ZNF239: variants seen among roughly 807,000 people sequenced by gnomAD.
ZNF239 encodes the protein zinc finger protein 239.
Under a neutral mutation model 27.5 loss-of-function variants are expected in ZNF239, and 16 were observed. The observed-to-expected ratio is 0.58, with a 90% CI of 0.39 to 0.88. The LOEUF (loss-of-function observed/expected upper bound fraction) is 0.88, where lower values mean the gene tolerates loss of function less well. Among genes scored for constraint, ZNF239 ranks in the 40% least tolerant of loss-of-function variants. ZNF239 has a pLI of 0.00. For missense variants in ZNF239, 527 were observed against 551.9 expected (o/e 0.95, Z 0.45); for synonymous variants, 199 against 192.6 (o/e 1.03, Z -0.27).
At position 43,570,378 on chromosome 10, in the gene ZNF239, A is replaced by C. The variant is rs189263105; in HGVS notation, c.-215-2357T>G. 58 of 985,412 alleles carry C rather than the reference A, an allele frequency of 5.9e-5. 2 individuals are homozygous for C. Among genetic ancestry groups the C allele is most frequent in the Middle Eastern group, 1.0e-3 (2 of 1,914 alleles). 61.0% of individuals were successfully genotyped at this position (985,412 alleles called of 1,614,324 possible). On this transcript the variant is annotated intron_variant, in intron 2 of 3. Transcript: ENST00000374446. Reference sequence around the variant, plus strand: ...AGCTCCATCACCACATCCTTTAGCAAGGCATGACCCATGGCATATTAAAAG... The same window carrying C: ...AGCTCCATCACCACATCCTTTAGCACGGCATGACCCATGGCATATTAAAAG...
Position 43,558,178 on chromosome 10 carries a change from A to T in ZNF239, c.-92-7T>A. 6.8e-7 allele frequency: 1 copy of T among 1,470,604 alleles called. No individual in the cohort carries two copies. Among genetic ancestry groups the T allele is most frequent in the Non-Finnish European group, 9.0e-7 (1 of 1,110,128 alleles). 91.1% of individuals were successfully genotyped at this position (1,470,604 alleles called of 1,614,324 possible). ...GAATTTTCATTCAAGTCTCCTAGGG[A>T]ACAAAGACAATTCAGTGGTAAGAAC... On this transcript the variant is annotated splice_region_variant and splice_polypyrimidine_tract_variant and intron_variant, in intron 3 of 3. Transcript: ENST00000374446.
intron 3 of ZNF239, among the ~76,000 whole-genome samples, chr10:43,560,269 A>T (rs1837125331): frequency 6.6e-6 from 1 of 152,244 alleles, no homozygotes; most frequent in African/African-American, 2.4e-5. Context: ...GTAATGTTGA[A>T]CGTACACAAT....
intron 2 of ZNF239, among the ~76,000 whole-genome samples, chr10:43,573,055 C>G (rs1275686325): frequency 6.6e-6 from 1 of 152,116 alleles, no homozygotes; most frequent in Admixed American, 6.5e-5. Flanking sequence ...GAGAAGGAAG[C>G]TTAGTTCTTA....
At chr10:43,574,399 C>A (rs868198870) in intron 1 of ZNF239, 141 bp downstream of exon 1, 1 of 152,224 alleles carries the variant, frequency 6.6e-6, no homozygotes, top group African/African-American at 2.4e-5. Flanking sequence ...CCGCGGGCCG[C>A]GCCTCCGCTG....
rs1261122311 is a variant in ZNF239 at position 43,556,544 on chromosome 10, ATACT to A, written c.*155_*158del. 14 of 923,372 alleles carry A rather than the reference ATACT, an allele frequency of 1.5e-5. No individual in the cohort carries two copies. The African/African-American group carries it at 2.2e-4, about 14-fold the overall frequency. 57.2% of individuals were successfully genotyped at this position (923,372 alleles called of 1,614,324 possible). On this transcript the variant is annotated 3_prime_UTR_variant, in exon 4 of 4. Transcript: ENST00000374446. The stretch of plus-strand genomic sequence containing the variant: ...ATTGTACAGCATAACAAAGTGCTTG[ATACT>A]TAAATATTTTGAATGAGTGATTTTT...
chr10:43,573,980 A>T (rs968118711), intron 1 of ZNF239, among the ~76,000 whole-genome samples: 1 of 152,126 alleles, frequency 6.6e-6, no homozygotes, highest in Non-Finnish European at 1.5e-5. Context: ...CTAAAGTTCT[A>T]GTTAAGAGGA....
At position 43,568,015 on chromosome 10, in the gene ZNF239, C is replaced by T. The variant is rs1328366814; in HGVS notation, c.-209G>A. Reference sequence around the variant, plus strand: ...GCCACAGAGGCATCCTTGAATGTAACTGGTTCCTAAAACATTAAGCACATT... The same window carrying T: ...GCCACAGAGGCATCCTTGAATGTAATTGGTTCCTAAAACATTAAGCACATT... On this transcript the variant is annotated 5_prime_UTR_variant, in exon 3 of 4. Coordinates refer to ENST00000374446, the MANE Select transcript of ZNF239 (RefSeq NM_001099282.2). 1.0e-6 allele frequency: 1 copy of T among 985,846 alleles called. No homozygotes were observed. Among genetic ancestry groups the T allele is most frequent in the Non-Finnish European group, 1.2e-6 (1 of 830,056 alleles). The allele number at this position is 985,846 out of a possible 1,614,324, so 61.1% of individuals were successfully genotyped here.
intron 2 of ZNF239, 69 bp downstream of exon 2, chr10:43,573,568 G>T: frequency 2.1e-6 from 2 of 964,454 alleles, no homozygotes; most frequent in Non-Finnish European, 2.5e-6. Context: ...TGACAATAAA[G>T]AAAACAACAC....
intron 2 of ZNF239, among the ~76,000 whole-genome samples, chr10:43,569,150 G>A (rs1025102613): frequency 4.6e-5 from 7 of 152,034 alleles, no homozygotes; most frequent in African/African-American, 1.2e-4. Context: ...CAAAATCCCC[G>A]ATGTCATTTC....
In ZNF239 at chr10:43,573,631, A is replaced by T; in HGVS notation, c.-216+6T>A. The T allele has an allele frequency of 1.0e-6, 1 of 985,398 alleles. No homozygotes were observed. The highest frequency in any genetic ancestry group is 1.2e-6 in the Non-Finnish European group (1 of 829,928). 61.0% of individuals were successfully genotyped at this position (985,398 alleles called of 1,614,324 possible). On this transcript the variant is annotated splice_donor_region_variant and intron_variant, in intron 2 of 3. Coordinates refer to ENST00000374446, the MANE Select transcript of ZNF239 (RefSeq NM_001099282.2). Reference sequence around the variant, plus strand: ...GCATTTTAGGAGAAATGGAACGCCAACTCACCCGGACCCTGGTCATTTCTT... The same window carrying T: ...GCATTTTAGGAGAAATGGAACGCCATCTCACCCGGACCCTGGTCATTTCTT...
Position 43,557,797 on chromosome 10 carries a change from G to C in ZNF239, c.283C>G (p.Leu95Val). The C allele has an allele frequency of 6.2e-7, 1 of 1,614,190 alleles. No individual in the cohort carries two copies. Among genetic ancestry groups the C allele is most frequent in the Non-Finnish European group, 8.5e-7 (1 of 1,180,044 alleles). ...TCAGTGCTTTCTTCCATTACAAAGA[G>C]ACGTCTGCTTTCCTGATGATCCTGA... is the stretch of plus-strand genomic sequence containing the variant. Reference protein sequence around the residue: ...EPQDHQESRRLFVMEESTERK... With the variant: ...EPQDHQESRRVFVMEESTERK... Residue 95 changes from leucine (L) to valine (V), a missense_variant, in exon 4 of 4, where the codon CTC becomes GTC. Leu to Val is a conservative substitution (Grantham distance 32). Coordinates refer to ENST00000374446, the MANE Select transcript of ZNF239 (RefSeq NM_001099282.2).
chr10:43,571,292 G>C (rs571188551), intron 2 of ZNF239, among the ~76,000 whole-genome samples: 1 of 141,768 alleles, frequency 7.1e-6, no homozygotes, highest in Non-Finnish European at 1.5e-5. Context: ...TGGAAAAGCA[G>C]GAAGAGGCAC....
At chr10:43,559,387 C>T (rs1837053736) in intron 3 of ZNF239, among the ~76,000 whole-genome samples, 1 of 152,172 alleles carries the variant, frequency 6.6e-6, no homozygotes, top group African/African-American at 2.4e-5. Context: ...GAAATTCATT[C>T]TAGATCATGT....
chr10:43,565,817 G>GAAAAAAAAAAAAAAAAAAAAA (rs36039838), intron 3 of ZNF239, among the ~76,000 whole-genome samples: 1 of 67,146 alleles, frequency 1.5e-5, no homozygotes, highest in Admixed American at 2.7e-4. Flanking sequence ...TCCATCTCAA[G>GAAAAAAAAAAAAAAAAAAAAA]AAAAAAAAAA....
Position 43,570,868 on chromosome 10 carries a change from A to G in ZNF239, c.-216+2769T>C, listed in dbSNP as rs1311957241. On this transcript the variant is annotated intron_variant, in intron 2 of 3. Coordinates refer to ENST00000374446, the MANE Select transcript of ZNF239 (RefSeq NM_001099282.2). ...AAGATAAAATGGCAGGCGGGACTCC[A>G]TTCTGAGAAGGGAAAGGATATGTTG... 3 of 985,258 alleles carry G rather than the reference A, an allele frequency of 3.0e-6. No homozygotes were observed. In the African/African-American group the frequency reaches 5.2e-5, roughly 17 times the overall value. The allele number at this position is 985,258 out of a possible 1,614,324, so 61.0% of individuals were successfully genotyped here. A position where few individuals can be genotyped will look rare whatever the true frequency, so the allele number is the denominator to read the frequency against.
chr10:43,562,318 T>C (rs1438286612), intron 3 of ZNF239, among the ~76,000 whole-genome samples: 1 of 152,206 alleles, frequency 6.6e-6, no homozygotes, highest in African/African-American at 2.4e-5. Flanking sequence ...GGACAGACAT[T>C]TTGACAATTA....
chr10:43,556,916 C>T lies in ZNF239; in HGVS notation c.1164G>A (p.Ser388=), dbSNP rs752110565. The change falls in exon 4 of 4, where the codon TCG becomes TCA. Residue 388 remains serine (S), a synonymous_variant. Transcript: ENST00000374446. ...YECGKGFSQS[S]DLRIHLRVHT... ...GGACTCTGAGATGGATGCGAAGATC[C>T]GAGCTCTGGCTGAAACCCTTCCCAC... The T allele has an allele frequency of 9.9e-6, 16 of 1,610,002 alleles. No individual in the cohort carries two copies. Among genetic ancestry groups the T allele is most frequent in the South Asian group, 2.2e-5 (2 of 90,870 alleles).
chr10:43,565,817 G>GAAAAAAA lies in ZNF239; in HGVS notation c.-93+2075_-93+2081dup, dbSNP rs36039838. On this transcript the variant is annotated intron_variant, in intron 3 of 3. Coordinates refer to ENST00000374446, the MANE Select transcript of ZNF239 (RefSeq NM_001099282.2). The stretch of plus-strand genomic sequence containing the variant: ...GTGACAGAACAAGACTCCATCTCAA[G>GAAAAAAA]AAAAAAAAAAAAAAAAAAAAAAAAA... Among the ~76,000 whole-genome samples the GAAAAAAA allele has an allele frequency of 4.3e-3, 291 of 67,142 alleles. 1 individual carries two copies. Among genetic ancestry groups the GAAAAAAA allele is most frequent in the South Asian group, 5.7e-3 (6 of 1,052 alleles). 44.0% of individuals were successfully genotyped at this position (67,142 alleles called of 152,430 possible). A position where few individuals can be genotyped will look rare whatever the true frequency, so the allele number is the denominator to read the frequency against.
At chr10:43,565,844 A>G (rs933633162) in intron 3 of ZNF239, among the ~76,000 whole-genome samples, 65 of 133,952 alleles carry the variant, frequency 4.9e-4, no homozygotes, top group African/African-American at 1.6e-3. Context: ...AAAAAAAAAA[A>G]AGAAAAAGAA....
Sources: gnomAD v4.1 joint callset for allele counts (sites outside exome capture counted in the v4.1 genomes callset) on GRCh38, gnomAD v4.1.1 for gene constraint, MANE v1.5 for transcripts, NCBI Gene and HGNC (gene_info 2026-07-23, HGNC 2026-07-21) for gene names.